Variants in SNURF observed in about 807,000 individuals in gnomAD.
The protein encoded by SNURF is SNRPN upstream open reading frame.
In SNURF, 6 loss-of-function variants were observed where a neutral mutation model predicts 11.6. That is an observed-to-expected ratio of 0.52 (90% CI 0.28 to 1.02). SNURF has a LOEUF of 1.02. SNURF is among the 50% of genes least tolerant of loss of function. The pLI, the probability that SNURF is intolerant of heterozygous loss-of-function variation, is 0.09. For missense variants in SNURF, 84 were observed against 88.4 expected (o/e 0.95, Z 0.20); for synonymous variants, 29 against 31.6 (o/e 0.92, Z 0.27).
At chr15:24,977,966 A>G (rs1156866705), downstream of SNURF, 6 of 1,483,312 alleles carry the variant, frequency 4.0e-6, no homozygotes, top group Non-Finnish European at 5.4e-6. Flanking sequence ...GATGAGAGAT[A>G]GCTTACTGAT....
chr15:24,965,856 G>A (rs1001705908), intron 2 of SNURF, among the ~76,000 whole-genome samples: 1 of 150,338 alleles, frequency 6.7e-6, no homozygotes, highest in Non-Finnish European at 1.5e-5. Flanking sequence ...TACGTTTCAA[G>A]ATAACATTAT....
intron 6 of SNURF, chr15:24,977,676 C>A (rs1021417190): frequency 5.3e-6 from 6 of 1,140,878 alleles, no homozygotes; most frequent in Non-Finnish European, 6.1e-6. Flanking sequence ...TACATTGCAA[C>A]AGTTGTTTGT....
chr15:24,969,420 C>T (rs1187825114), downstream of SNURF, among the ~76,000 whole-genome samples: 1 of 152,192 alleles, frequency 6.6e-6, no homozygotes, highest in Non-Finnish European at 1.5e-5. Context: ...TGACCTACCG[C>T]GCCCGGCCCA....
At chr15:24,975,075 T>G in intron 3 of SNURF, 2 of 675,526 alleles carry the variant, frequency 3.0e-6, no homozygotes. Context: ...TTTGGTTTAC[T>G]TAGGGGAGTG....
intron 2 of SNURF, among the ~76,000 whole-genome samples, chr15:24,965,094 A>G (rs1457390897): frequency 4.6e-5 from 7 of 152,168 alleles, no homozygotes; most frequent in African/African-American, 1.4e-4. Context: ...CTCATTGTCC[A>G]TGTGTTTAGG....
At chr15:24,971,382 A>G (rs904323438), downstream of SNURF, among the ~76,000 whole-genome samples, 3 of 152,198 alleles carry the variant, frequency 2.0e-5, no homozygotes, top group Non-Finnish European at 4.4e-5. Context: ...TTACAAGGTC[A>G]TGACTACATT....
At chr15:24,973,995 C>T (rs2076774528) in intron 3 of SNURF, among the ~76,000 whole-genome samples, 2 of 151,994 alleles carry the variant, frequency 1.3e-5, no homozygotes, top group African/African-American at 4.8e-5. Flanking sequence ...TAATTCTGAA[C>T]TAGAGAGAGA....
Position 24,960,345 on chromosome 15 carries a change from GT to G in SNURF, c.15-1763del, listed in dbSNP as rs549206710. Among the ~76,000 whole-genome samples the G allele has an allele frequency of 5.3e-3, 813 of 152,138 alleles. 2 individuals carry two copies. The highest frequency in any genetic ancestry group is 8.9e-3 in the Non-Finnish European group (605 of 67,984). On this transcript the variant is annotated intron_variant, in intron 1 of 2. Coordinates refer to ENST00000577949, the Ensembl canonical transcript of SNURF. The stretch of plus-strand genomic sequence containing the variant: ...GTCAGATGGTGGCATTTCAGTGGGG[GT>G]TTTTTCATTTTGAGGCAGGGTCTGG...
downstream of SNURF, chr15:24,978,516 A>G (rs1446307237): frequency 3.7e-6 from 5 of 1,366,672 alleles, no homozygotes; most frequent in Non-Finnish European, 5.2e-6. Context: ...AGTGTTTGTG[A>G]GCTTTTTGTT....
downstream of SNURF, chr15:24,968,826 T>C (rs1189234801): frequency 6.6e-6 from 1 of 152,220 alleles, no homozygotes; most frequent in Non-Finnish European, 1.5e-5. Flanking sequence ...TCATAATTTT[T>C]CAATGTGATG....
chr15:24,962,077 C>A (rs1187668501), intron 1 of SNURF, 37 bp from the exon 2 acceptor site: 16 of 1,471,630 alleles, frequency 1.1e-5, no homozygotes, highest in Non-Finnish European at 1.5e-5. Context: ...TAGATTGATG[C>A]AGTCTACCAA....
chr15:24,962,055 A>T (rs977885182), intron 1 of SNURF, 59 bp from the exon 2 acceptor site: 1 of 1,338,586 alleles, frequency 7.5e-7, no homozygotes, highest in African/African-American at 1.4e-5. Context: ...ACCTTGACAA[A>T]TAGTTATTTC....
chr15:24,957,523 G>A (rs181962060), intron 1 of SNURF, among the ~76,000 whole-genome samples: 27 of 152,166 alleles, frequency 1.8e-4, no homozygotes, highest in Non-Finnish European at 2.9e-4. Context: ...TTATTCTAAG[G>A]ATTTTGTCTT....
chr15:24,974,711 C>T, intron 3 of SNURF: 1 of 608,744 alleles, frequency 1.6e-6, no homozygotes, highest in Non-Finnish European at 2.9e-6. Context: ...ACCCTGGGTT[C>T]AAGAGATTCT....
chr15:24,968,895 G>A (rs2076037479), downstream of SNURF: 1 of 152,090 alleles, frequency 6.6e-6, no homozygotes, highest in Non-Finnish European at 1.5e-5. Flanking sequence ...TTATTACAAA[G>A]TCGATTTTGA....
At chr15:24,961,874 T>C (rs2074892682) in intron 1 of SNURF, among the ~76,000 whole-genome samples, 1 of 152,198 alleles carries the variant, frequency 6.6e-6, no homozygotes, top group Non-Finnish European at 1.5e-5. Flanking sequence ...TTTAATTTCA[T>C]TTTCTGATTT....
downstream of SNURF, among the ~76,000 whole-genome samples, chr15:24,970,886 A>G (rs968374441): frequency 3.9e-5 from 6 of 152,086 alleles, no homozygotes; most frequent in Non-Finnish European, 8.8e-5. Context: ...ATTATTGTGT[A>G]TTAATATTTT....
At chr15:24,977,865 C>G, downstream of SNURF, 1 of 1,612,690 alleles carries the variant, frequency 6.2e-7, no homozygotes. Context: ...ACAGTACCCA[C>G]CAGGACGGGG....
chr15:24,962,034 T>C (rs1022631638), intron 1 of SNURF, 80 bp from the exon 2 acceptor site: 6 of 1,158,936 alleles, frequency 5.2e-6, no homozygotes, highest in African/African-American at 1.5e-5. Context: ...TTAAATGTAG[T>C]TCTAAATATA....
Sources: gnomAD v4.1 joint callset for allele counts (sites outside exome capture counted in the v4.1 genomes callset) on GRCh38, gnomAD v4.1.1 for gene constraint, MANE v1.5 for transcripts, NCBI Gene and HGNC (gene_info 2026-07-23, HGNC 2026-07-21) for gene names.